The following MTMR3 variants were observed in gnomAD, a reference collection of about 807,000 sequenced individuals.
The protein encoded by MTMR3 is myotubularin related protein 3.
MTMR3 carries 32 observed loss-of-function variants against 132.4 expected under a neutral mutation model. The ratio of observed to expected loss-of-function variants is 0.24; its 90% CI spans 0.18 to 0.32. MTMR3 has a LOEUF of 0.32. Ranked by LOEUF, MTMR3 falls within the 10% of genes least tolerant of loss-of-function variation. The probability of loss-of-function intolerance (pLI) is 1.00; values close to 1 mark genes in which losing one functional copy is unlikely to be tolerated. For missense variants in MTMR3, 1,216 were observed against 1,489.6 expected (o/e 0.82, Z 3.02); for synonymous variants, 556 against 550.3 (o/e 1.01, Z -0.14).
chr22:29,988,458 C>T (rs1393988282), intron 5 of MTMR3, 22 bp from the exon 6 acceptor site: 5 of 1,585,998 alleles, frequency 3.2e-6, no homozygotes, highest in South Asian at 1.1e-5. Flanking sequence ...ACTAAGAGGA[C>T]TTCATTTTTT....
At position 30,020,627 on chromosome 22, in the gene MTMR3, C is replaced by G. The variant is rs1439011930; in HGVS notation, c.2968C>G (p.His990Asp). 1.2e-6 allele frequency: 2 copies of G among 1,614,104 alleles called. No homozygotes were observed. Among genetic ancestry groups the G allele is most frequent in the African/African-American group, 2.7e-5 (2 of 74,948 alleles). Residue 990 changes from histidine to aspartate, a missense_variant, in exon 17 of 20, where the codon CAC becomes GAC. This residue lies in a region of MTMR3 where 852 missense variants were observed against 852.0 expected (regional missense o/e 1.00). Transcript: ENST00000401950. The part of the protein sequence containing the change: ...SSAHLHSRNL[H>D]HKWLHSHSGR... ...TGCCCACTTACACTCAAGGAACTTG[C>G]ACCACAAGTGGCTGCATAGCCACTC...
intron 17 of MTMR3, 118 bp from the exon 18 acceptor site, chr22:30,021,911 G>A (rs1306265155): frequency 1.8e-5 from 13 of 724,714 alleles, no homozygotes; most frequent in Admixed American, 4.7e-5. Context: ...CTGCAGATTC[G>A]GCAGTCCTAG....
In MTMR3 at chr22:29,979,037, G is replaced by T. The variant is rs3884921; in HGVS notation, c.195G>T (p.Lys65Asn). The T allele has an allele frequency of 1.2e-6, 2 of 1,609,120 alleles. No individual in the cohort carries two copies. The change falls in exon 5 of 20, where the codon AAG becomes AAT. Residue 65 changes from lysine (K) to asparagine (N), a missense_variant. Transcript: ENST00000401950. ...LSNYRLHIKFKESLVNVPLQL... is the reference protein window; with the variant it reads ...LSNYRLHIKFNESLVNVPLQL... ...ATTACAGACTTCACATCAAGTTCAA[G>T]GAGTCTCTTGTTAATGTAAGTGATT...
At chr22:29,910,060 A>G (rs1424127518) in intron 1 of MTMR3, among the ~76,000 whole-genome samples, 1 of 151,850 alleles carries the variant, frequency 6.6e-6, no homozygotes, top group African/African-American at 2.4e-5. Context: ...GCTACTCGGG[A>G]GGCTGAGGCA....
At chr22:29,883,729 AG>A (rs1209860955) in intron 1 of MTMR3, among the ~76,000 whole-genome samples, 2 of 151,862 alleles carry the variant, frequency 1.3e-5, no homozygotes, top group Non-Finnish European at 2.9e-5. Flanking sequence ...AACTCCCGGG[AG>A]GTGGGTGTGC....
chr22:29,923,088 C>G (rs2065449948), intron 1 of MTMR3, among the ~76,000 whole-genome samples: 1 of 147,820 alleles, frequency 6.8e-6, no homozygotes, highest in East Asian at 2.0e-4. Flanking sequence ...ATTGCCCAGG[C>G]TGGGGTGCAG....
intron 11 of MTMR3, 101 bp downstream of exon 11, chr22:30,008,133 A>G (rs2067314638): frequency 2.7e-6 from 4 of 1,473,056 alleles, no homozygotes; most frequent in Non-Finnish European, 3.7e-6. Flanking sequence ...GGCAAGCCAT[A>G]TTCCTCATCC....
In MTMR3 at chr22:30,020,415, T is replaced by C; in HGVS notation, c.2756T>C (p.Leu919Ser). Residue 919 changes from leucine (L) to serine (S), a missense_variant, in exon 17 of 20, where the codon TTA (leucine) becomes TCA (serine). Leu to Ser is a moderately radical substitution (Grantham distance 145). Transcript: ENST00000401950. ...SLTRSPCALP[L>S]AECKEGLVCN... ...ACACGTTCCCCTTGTGCCTTGCCTT[T>C]AGCCGAATGTAAAGAGGGGCTTGTG... 1 of 1,614,206 alleles carries C rather than the reference T, an allele frequency of 6.2e-7. No individual in the cohort carries two copies.
intron 1 of MTMR3, among the ~76,000 whole-genome samples, chr22:29,889,517 C>T (rs1307330289): frequency 7.2e-5 from 11 of 151,972 alleles, no homozygotes; most frequent in African/African-American, 2.4e-4. Flanking sequence ...GAACTCCTGA[C>T]CTCAGGTGAT....
Position 29,970,965 on chromosome 22 carries a change from C to A in MTMR3, c.-84-11C>A. 1.1e-6 allele frequency: 1 copy of A among 949,100 alleles called. No homozygotes were observed. Among genetic ancestry groups the A allele is most frequent in the South Asian group, 2.5e-5 (1 of 39,494 alleles). The allele number at this position is 949,100 out of a possible 1,614,324, so 58.8% of individuals were successfully genotyped here. On this transcript the variant is annotated splice_polypyrimidine_tract_variant and intron_variant, in intron 2 of 19. Transcript: ENST00000401950. ...TTTTTTCTTCTTCCCCCTCTTCCCCCCCACCCCCAGACTTCACCATAAGGG... is the reference window on the plus strand; with the variant it reads ...TTTTTTCTTCTTCCCCCTCTTCCCCACCACCCCCAGACTTCACCATAAGGG...
chr22:29,932,113 C>T (rs1342824101), intron 1 of MTMR3, among the ~76,000 whole-genome samples: 2 of 152,164 alleles, frequency 1.3e-5, no homozygotes, highest in East Asian at 3.8e-4. Flanking sequence ...AGATTTTTGA[C>T]TTGAACCAGT....
Position 29,913,235 on chromosome 22 carries a change from G to C in MTMR3, c.-138+29876G>C, listed in dbSNP as rs567028115. ...TGCACTCTAGCCTGGGTAACAGCGA[G>C]ACTCCCATCTCAAAACAAAAACAGA... is the stretch of plus-strand genomic sequence containing the variant. On this transcript the variant is annotated intron_variant, in intron 1 of 19. Coordinates refer to ENST00000401950, the MANE Select transcript of MTMR3 (RefSeq NM_021090.4). Among the ~76,000 whole-genome samples the C allele has an allele frequency of 2.0e-5, 3 of 152,246 alleles. No individual in the cohort carries two copies. The East Asian group carries it at 5.8e-4, about 29-fold the overall frequency.
At chr22:29,891,845 A>G (rs373863723) in intron 1 of MTMR3, among the ~76,000 whole-genome samples, 2 of 152,160 alleles carry the variant, frequency 1.3e-5, no homozygotes, top group South Asian at 2.1e-4. Flanking sequence ...TAGTTGGATC[A>G]TGAATACCTT....
chr22:29,998,564 AC>A lies in MTMR3; in HGVS notation c.461-195del, dbSNP rs1226883674. The A allele has an allele frequency of 1.5e-5, 4 of 265,320 alleles. No individual in the cohort carries two copies. The East Asian group carries it at 3.0e-4, about 20-fold the overall frequency. The allele number at this position is 265,320 out of a possible 1,614,324, so 16.4% of individuals were successfully genotyped here. On this transcript the variant is annotated intron_variant, in intron 7 of 19. Coordinates refer to ENST00000401950, the MANE Select transcript of MTMR3 (RefSeq NM_021090.4). ...TGGCTGAGGCACAAGAATCACTTGA[AC>A]CTGGGAGGCGGAAGTTTCAGTGAGC... is the stretch of plus-strand genomic sequence containing the variant.
At chr22:29,945,426 G>T (rs755062058) in intron 1 of MTMR3, among the ~76,000 whole-genome samples, 1 of 152,096 alleles carries the variant, frequency 6.6e-6, no homozygotes, top group Non-Finnish European at 1.5e-5. Flanking sequence ...AAGCTGGCCA[G>T]GTGCGGTGGC....
chr22:30,020,612 C>A lies in MTMR3; in HGVS notation c.2953C>A (p.His985Asn). The change falls in exon 17 of 20, where the codon CAC becomes AAC. Residue 985 changes from histidine (H) to asparagine (N), a missense_variant. His to Asn is a moderately conservative substitution (Grantham distance 68). Coordinates refer to ENST00000401950, the MANE Select transcript of MTMR3 (RefSeq NM_021090.4). The stretch of plus-strand genomic sequence containing the variant: ...TATGAGCTGCAGCTCTGCCCACTTA[C>A]ACTCAAGGAACTTGCACCACAAGTG... Reference protein sequence around the residue: ...SAMSCSSAHLHSRNLHHKWLH... With the variant: ...SAMSCSSAHLNSRNLHHKWLH... 6.2e-7 allele frequency: 1 copy of A among 1,614,238 alleles called. No homozygotes were observed. Among genetic ancestry groups the A allele is most frequent in the Non-Finnish European group, 8.5e-7 (1 of 1,180,048 alleles).
intron 1 of MTMR3, among the ~76,000 whole-genome samples, chr22:29,892,536 T>G (rs546051736): frequency 1.3e-5 from 2 of 152,312 alleles, no homozygotes; most frequent in East Asian, 3.9e-4. Flanking sequence ...AAACTTTCCA[T>G]GATGATTCTT....
intron 1 of MTMR3, among the ~76,000 whole-genome samples, chr22:29,907,328 G>A (rs531471723): frequency 1.3e-5 from 2 of 152,016 alleles, no homozygotes; most frequent in East Asian, 3.9e-4. Flanking sequence ...TGTGAACCCG[G>A]GAGGCAGAGC....
chr22:29,974,337 C>T (rs999216177), intron 3 of MTMR3, among the ~76,000 whole-genome samples: 47 of 152,178 alleles, frequency 3.1e-4, no homozygotes, highest in African/African-American at 1.1e-3. Flanking sequence ...TTCAACTGTT[C>T]AGCCACATGG....
Sources: gnomAD v4.1 joint callset for allele counts (sites outside exome capture counted in the v4.1 genomes callset) on GRCh38, gnomAD v4.1.1 for gene constraint, gnomAD v4.1.1 regional missense constraint, MANE v1.5 for transcripts, NCBI Gene and HGNC (gene_info 2026-07-23, HGNC 2026-07-21) for gene names.